ATP9A: variants seen among roughly 807,000 people sequenced by gnomAD.
ATP9A encodes the protein ATPase phospholipid transporting 9A, also known as probable phospholipid-transporting ATPase IIA.
In ATP9A, 52 loss-of-function variants were observed where a neutral mutation model predicts 144.1. The observed-to-expected ratio is 0.36, with a 90% confidence interval of 0.29 to 0.45. The LOEUF (loss-of-function observed/expected upper bound fraction) is 0.45, where lower values mean the gene tolerates loss of function less well. Among genes scored for constraint, ATP9A ranks in the 20% least tolerant of loss-of-function variants. The pLI is 1.00. For synonymous variants in ATP9A, 582 were observed against 557.4 expected (o/e 1.04, Z -0.62); for missense variants, 947 against 1,392.7 (o/e 0.68, Z 5.09).
intron 6 of ATP9A, among the ~76,000 whole-genome samples, chr20:51,695,691 A>G (rs1053895946): frequency 6.6e-6 from 1 of 152,108 alleles, no homozygotes; most frequent in Non-Finnish European, 1.5e-5. Flanking sequence ...ACCTCTCCCC[A>G]GTTTCTGTAC....
chr20:51,712,786 G>C (rs1286192180), intron 4 of ATP9A, among the ~76,000 whole-genome samples, 180 bp downstream of exon 4: 2 of 152,204 alleles, frequency 1.3e-5, no homozygotes, highest in Non-Finnish European at 2.9e-5. Context: ...GGCCTGGTGG[G>C]ACCCCGTCAA....
rs150632110 is a variant in ATP9A, at chr20:51,657,031, G to C, written c.1413C>G (p.Pro471=). The C allele has an allele frequency of 6.2e-7, 1 of 1,614,182 alleles. No homozygotes were observed. The highest frequency in any genetic ancestry group is 8.5e-7 in the Non-Finnish European group (1 of 1,180,028). ...CAGTCACACCGTTGGACTCATACAC[G>C]GGAGTCACGTTGTGGCAGAGCGCGA... ...KAIALCHNVT[P]VYESNGVTDQ... The change falls in exon 14 of 28, where the codon CCC becomes CCG. Residue 471 remains proline, a synonymous_variant. Coordinates refer to ENST00000338821, the MANE Select transcript of ATP9A (RefSeq NM_006045.3).
At chr20:51,704,934 T>C (rs1447324223) in intron 4 of ATP9A, among the ~76,000 whole-genome samples, 1 of 152,208 alleles carries the variant, frequency 6.6e-6, no homozygotes, top group Non-Finnish European at 1.5e-5. Context: ...AATTCTTTGC[T>C]CACTGAATTG....
chr20:51,670,979 A>G (rs1227680758), intron 12 of ATP9A, 136 bp downstream of exon 12: 4 of 1,012,750 alleles, frequency 3.9e-6, no homozygotes, highest in Non-Finnish European at 5.7e-6. Flanking sequence ...AAGAATCTTC[A>G]TCAAAAGATG....
In ATP9A at chr20:51,694,098, T is replaced by C; in HGVS notation, c.552A>G (p.Ser184=). 6.2e-7 allele frequency: 1 copy of C among 1,614,056 alleles called. No individual in the cohort carries two copies. Among genetic ancestry groups the C allele is most frequent in the Non-Finnish European group, 8.5e-7 (1 of 1,179,946 alleles). Residue 184 remains serine, a synonymous_variant, in exon 7 of 28, where the codon TCA becomes TCG. Transcript: ENST00000338821. ...CCAGCTGATCCGTCCGCAAGAAGCATGACCCTGTGGAAGGAAGTCGGGTGC... is the reference window on the plus strand; with the variant it reads ...CCAGCTGATCCGTCCGCAAGAAGCACGACCCTGTGGAAGGAAGTCGGGTGC... ...IFLRTSEKNG[S]CFLRTDQLDG... is the part of the protein sequence containing the mutation.
At chr20:51,756,759 G>T (rs2077858088) in intron 1 of ATP9A, among the ~76,000 whole-genome samples, 1 of 152,132 alleles carries the variant, frequency 6.6e-6, no homozygotes, top group South Asian at 2.1e-4. Flanking sequence ...ATTTGGGGAG[G>T]TGTGGGGGAT....
At chr20:51,753,474 AC>A (rs1030405697) in intron 1 of ATP9A, among the ~76,000 whole-genome samples, 182 of 151,522 alleles carry the variant, frequency 1.2e-3, no homozygotes, top group African/African-American at 4.3e-3. Context: ...AACAACAACA[AC>A]AACAACAACA....
At chr20:51,649,684 G>A (rs2077355688) in intron 14 of ATP9A, among the ~76,000 whole-genome samples, 2 of 152,190 alleles carry the variant, frequency 1.3e-5, no homozygotes, top group Admixed American at 6.5e-5. Flanking sequence ...GGAGGCCAAG[G>A]CGGGCAGATC....
At chr20:51,619,419 T>C (rs2077217029) in intron 19 of ATP9A, among the ~76,000 whole-genome samples, 1 of 151,312 alleles carries the variant, frequency 6.6e-6, no homozygotes, top group Non-Finnish European at 1.5e-5. Context: ...GAAAATTAGC[T>C]GGGCATGGTG....
chr20:51,689,027 T>C (rs746379345), intron 9 of ATP9A, 37 bp downstream of exon 9: 4 of 1,602,376 alleles, frequency 2.5e-6, no homozygotes, highest in Non-Finnish European at 3.4e-6. Context: ...TCTTTCCTTT[T>C]CAAATTGCTA....
intron 13 of ATP9A, among the ~76,000 whole-genome samples, chr20:51,663,660 G>A (rs1168086982): frequency 1.3e-5 from 2 of 152,054 alleles, no homozygotes; most frequent in Admixed American, 6.5e-5. Context: ...TGGGCATGGT[G>A]GTAGGCGCCT....
At chr20:51,748,823 G>A (rs968832636) in intron 1 of ATP9A, among the ~76,000 whole-genome samples, 1 of 152,088 alleles carries the variant, frequency 6.6e-6, no homozygotes, top group Non-Finnish European at 1.5e-5. Context: ...AGTGGCTCAC[G>A]CCTATAATCC....
intron 18 of ATP9A, 27 bp downstream of exon 18, chr20:51,625,165 C>T: frequency 6.3e-7 from 1 of 1,592,454 alleles, no homozygotes; most frequent in Non-Finnish European, 8.5e-7. Flanking sequence ...CCCTGGAGTG[C>T]CCTTCCCTGC....
At position 51,648,248 on chromosome 20, in the gene ATP9A, G is replaced by A. The variant is rs143483088; in HGVS notation, c.1506+8690C>T. Among the ~76,000 whole-genome samples the A allele has an allele frequency of 3.7e-4, 57 of 152,232 alleles. 1 individual carries two copies. The East Asian group carries it at 7.9e-3, about 21-fold the overall frequency. On this transcript the variant is annotated intron_variant, in intron 14 of 27. Coordinates refer to ENST00000338821, the MANE Select transcript of ATP9A (RefSeq NM_006045.3). ...ATAAAAAAACAAACCAACCAACCTCGTAGCCGCAGAAGGACCGCGAGATTG... is the reference window on the plus strand; with the variant it reads ...ATAAAAAAACAAACCAACCAACCTCATAGCCGCAGAAGGACCGCGAGATTG...
chr20:51,697,093 T>TATAC (rs1416288287), intron 5 of ATP9A, among the ~76,000 whole-genome samples: 1 of 152,198 alleles, frequency 6.6e-6, no homozygotes, highest in African/African-American at 2.4e-5. Flanking sequence ...AGTGTCTATG[T>TATAC]AGTAAGCAGA....
intron 9 of ATP9A, 52 bp from the exon 10 acceptor site, chr20:51,676,260 A>C: frequency 7.1e-7 from 1 of 1,406,056 alleles, no homozygotes; most frequent in Non-Finnish European, 9.7e-7. Context: ...TAATACAGAC[A>C]GGCAGGCTTG....
intron 9 of ATP9A, among the ~76,000 whole-genome samples, chr20:51,678,945 CG>C (rs2077488644): frequency 6.6e-6 from 1 of 152,132 alleles, no homozygotes; most frequent in South Asian, 2.1e-4. Context: ...ACGCACACAC[CG>C]GATGCGCCTT....
chr20:51,662,182 AG>A (rs2077413577), intron 13 of ATP9A, among the ~76,000 whole-genome samples: 19 of 152,222 alleles, frequency 1.2e-4, no homozygotes, highest in Non-Finnish European at 5.9e-5. Context: ...TGCTAGCACA[AG>A]GTTGGATCTT....
intron 9 of ATP9A, among the ~76,000 whole-genome samples, chr20:51,688,151 C>T (rs1362229704): frequency 1.3e-5 from 2 of 152,196 alleles, no homozygotes; most frequent in Non-Finnish European, 2.9e-5. Context: ...CCTCATGGTG[C>T]CGTTAGGAGG....
Sources: allele counts gnomAD v4.1 joint callset (sites outside exome capture counted in the v4.1 genomes callset), GRCh38; gene constraint gnomAD v4.1.1; transcripts MANE v1.5; gene names NCBI Gene and HGNC (gene_info 2026-07-23, HGNC 2026-07-21).